Variants in RORA observed in about 807,000 individuals in gnomAD.
The protein encoded by RORA is nuclear receptor ROR-alpha.
RORA carries 7 observed loss-of-function variants against 69.5 expected under a neutral mutation model. That is an observed-to-expected ratio of 0.10 (90% CI 0.06 to 0.19). The LOEUF is 0.19. RORA is among the 10% of genes least tolerant of loss of function. The pLI is 1.00. For missense variants in RORA, 457 were observed against 663.0 expected, an observed-to-expected ratio of 0.69 and a Z score of 3.41; for synonymous variants, 261 against 240.8, an observed-to-expected ratio of 1.08 and a Z score of -0.78.
chr15:60,781,710 G>C (rs1179779810), intron 1 of RORA, among the ~76,000 whole-genome samples: 1 of 152,104 alleles, frequency 6.6e-6, no homozygotes, highest in East Asian at 1.9e-4. Context: ...GGCGGGCAAC[G>C]GGGGAGCAGG....
At chr15:60,586,018 T>G (rs340006) in intron 2 of RORA, among the ~76,000 whole-genome samples, 24 of 152,098 alleles carry the variant, frequency 1.6e-4, no homozygotes, top group Non-Finnish European at 2.2e-4. Flanking sequence ...GGCAGAAAAA[T>G]ACCTGAAATG....
chr15:60,519,625 C>T lies in RORA; in HGVS notation c.283-4868G>A, dbSNP rs189654717. 9.3e-4 allele frequency among the ~76,000 whole-genome samples: 141 copies of T among 152,250 alleles called. 1 individual carries two copies. The highest frequency in any genetic ancestry group is 3.3e-3 in the African/African-American group (138 of 41,550). ...CAATCTACTCTGAAATTAGTGTTTT[C>T]CCTCACTTTAGCACCTTTAGCTGAC... On this transcript the variant is annotated intron_variant, in intron 3 of 10. Transcript: ENST00000335670.
intron 2 of RORA, among the ~76,000 whole-genome samples, chr15:60,543,593 C>T (rs960471596): frequency 2.6e-4 from 39 of 152,176 alleles, no homozygotes; most frequent in Admixed American, 1.3e-4. Context: ...ATCCTACCAC[C>T]TCAGCCTCCT....
At chr15:61,197,609 C>T (rs1216343323) in intron 1 of RORA, among the ~76,000 whole-genome samples, 5 of 152,156 alleles carry the variant, frequency 3.3e-5, no homozygotes, top group East Asian at 3.8e-4. Context: ...CATTCTAAAC[C>T]GGGCTCCGTC....
chr15:61,144,720 G>A (rs1296336807), intron 1 of RORA, among the ~76,000 whole-genome samples: 1 of 152,160 alleles, frequency 6.6e-6, no homozygotes, highest in Admixed American at 6.5e-5. Flanking sequence ...ATCTCTTGGA[G>A]GAAAATTTGG....
At chr15:60,778,904 T>C (rs2072212625) in intron 1 of RORA, among the ~76,000 whole-genome samples, 1 of 152,130 alleles carries the variant, frequency 6.6e-6, no homozygotes, top group Non-Finnish European at 1.5e-5. Context: ...ACTGTGAGGT[T>C]TCCTTTGAGT....
intron 1 of RORA, among the ~76,000 whole-genome samples, chr15:61,058,808 C>T (rs1322377060): frequency 1.3e-5 from 2 of 152,166 alleles, no homozygotes; most frequent in African/African-American, 2.4e-5. Context: ...GCAAGGACAA[C>T]GTCTCTATGT....
At chr15:61,052,289 A>G (rs2078025757) in intron 1 of RORA, among the ~76,000 whole-genome samples, 1 of 152,198 alleles carries the variant, frequency 6.6e-6, no homozygotes, top group South Asian at 2.1e-4. Context: ...ATTATACTAC[A>G]TATTTTTGTT....
At chr15:61,211,674 A>C (rs2079993090) in intron 1 of RORA, among the ~76,000 whole-genome samples, 1 of 152,260 alleles carries the variant, frequency 6.6e-6, no homozygotes, top group African/African-American at 2.4e-5. Context: ...AGTGATGGCC[A>C]CAGAGGGCAG....
At chr15:60,797,263 G>A (rs372307241) in intron 1 of RORA, among the ~76,000 whole-genome samples, 8 of 152,040 alleles carry the variant, frequency 5.3e-5, no homozygotes, top group African/African-American at 1.9e-4. Context: ...GATTAAAATG[G>A]TAAGTTGTAC....
intron 3 of RORA, among the ~76,000 whole-genome samples, chr15:60,515,434 CCT>C (rs2065833238): frequency 6.6e-6 from 1 of 152,156 alleles, no homozygotes; most frequent in Non-Finnish European, 1.5e-5. Context: ...TCATCAAGTT[CCT>C]CTCGTGTCAA....
rs1389895077 is a variant in RORA, at chr15:61,078,326, G to GCT, written c.166+150725_166+150726dup. On this transcript the variant is annotated intron_variant, in intron 1 of 10. Coordinates refer to ENST00000335670, the MANE Select transcript of RORA (RefSeq NM_134261.3). ...TTACAGGCACGTGCCACCACACCTG[G>GCT]CTCTGTGTGTGTGTGTGTGTGTGTG... Among the ~76,000 whole-genome samples, 309 of 105,076 alleles carry GCT rather than the reference G, an allele frequency of 2.9e-3. 1 individual carries two copies. The highest frequency in any genetic ancestry group is 9.9e-3 in the African/African-American group (293 of 29,736). The allele number at this position is 105,076 out of a possible 152,430, so 68.9% of individuals were successfully genotyped here.
intron 1 of RORA, among the ~76,000 whole-genome samples, chr15:61,191,208 T>C (rs2079796595): frequency 6.6e-6 from 1 of 152,188 alleles, no homozygotes; most frequent in Non-Finnish European, 1.5e-5. Context: ...AGCTGCACTT[T>C]CCTTGCACCA....
chr15:60,587,057 G>A (rs928782780), intron 2 of RORA, among the ~76,000 whole-genome samples: 5 of 152,138 alleles, frequency 3.3e-5, no homozygotes, highest in African/African-American at 4.8e-5. Context: ...ATTAGAAGAT[G>A]CATTTGTGAA....
intron 1 of RORA, among the ~76,000 whole-genome samples, chr15:60,917,631 G>A (rs1383076831): frequency 6.6e-6 from 1 of 152,186 alleles, no homozygotes; most frequent in East Asian, 1.9e-4. Flanking sequence ...GTGTTTGCTG[G>A]GCCAGAGCCC....
At chr15:61,035,974 T>C (rs1337950495) in intron 1 of RORA, among the ~76,000 whole-genome samples, 1 of 152,212 alleles carries the variant, frequency 6.6e-6, no homozygotes, top group Non-Finnish European at 1.5e-5. Context: ...ATGTGGAAGA[T>C]GCTGCAGTCA....
rs868281078 is a variant in RORA at position 60,619,853 on chromosome 15, A to G, written c.196+58804T>C. On this transcript the variant is annotated intron_variant, in intron 2 of 10. Transcript: ENST00000335670. Reference sequence around the variant, plus strand: ...GCATTGTTTGAGGCACTTTCTGCAGAAGGTGTACCGCATCTTTGCCTGCTT... The same window carrying G: ...GCATTGTTTGAGGCACTTTCTGCAGGAGGTGTACCGCATCTTTGCCTGCTT... 6.6e-5 allele frequency among the ~76,000 whole-genome samples: 10 copies of G among 152,358 alleles called. No individual in the cohort carries two copies. The Middle Eastern group carries it at 0.01, about 155-fold the overall frequency.
At chr15:61,221,957 G>GA (rs537077047) in intron 1 of RORA, among the ~76,000 whole-genome samples, 6,779 of 99,906 alleles carry the variant, frequency 0.068, 262 homozygotes, top group African/African-American at 0.15. Flanking sequence ...ATCTCTTTAA[G>GA]AAAAAAAAAA....
intron 2 of RORA, among the ~76,000 whole-genome samples, chr15:60,565,493 A>G (rs903403063): frequency 1.3e-5 from 2 of 152,190 alleles, no homozygotes; most frequent in Admixed American, 6.5e-5. Flanking sequence ...CATTTATTCC[A>G]GACTTGAGCC....
Sources: allele counts gnomAD v4.1 joint callset (sites outside exome capture counted in the v4.1 genomes callset), GRCh38; gene constraint gnomAD v4.1.1; transcripts MANE v1.5; gene names NCBI Gene and HGNC (gene_info 2026-07-23, HGNC 2026-07-21).